The following FLI1 variants were observed in gnomAD, a reference collection of about 807,000 sequenced individuals.
FLI1 encodes Fli-1 proto-oncogene, ETS transcription factor.
In FLI1, 13 loss-of-function variants were observed where a neutral mutation model predicts 53.1. The observed-to-expected ratio is 0.24, with a 90% CI of 0.16 to 0.39. The LOEUF is 0.39. FLI1 is among the 10% of genes least tolerant of loss of function. The pLI is 1.00. For missense variants in FLI1, 424 were observed against 600.5 expected, an observed-to-expected ratio of 0.71 and a Z score of 3.07; for synonymous variants, 244 against 236.7, an observed-to-expected ratio of 1.03 and a Z score of -0.28.
intron 1 of FLI1, among the ~76,000 whole-genome samples, chr11:128,736,994 C>T (rs1008612665): frequency 2.0e-5 from 3 of 152,164 alleles, no homozygotes; most frequent in Admixed American, 2.0e-4. Flanking sequence ...AGCCTCCGAC[C>T]ACAAACCCAA....
upstream of FLI1, among the ~76,000 whole-genome samples, chr11:128,685,708 CAAAAAAAA>C (rs5795633): frequency 2.2e-3 from 126 of 57,616 alleles, no homozygotes; most frequent in South Asian, 3.8e-3. Flanking sequence ...CTTGAGGAGC[CAAAAAAAA>C]AAAAAAAAAA....
At chr11:128,764,707 C>A (rs1334111900) in intron 2 of FLI1, 2 of 1,551,546 alleles carry the variant, frequency 1.3e-6, no homozygotes, top group Non-Finnish European at 1.7e-6. Context: ...CTGTACCCAC[C>A]CTGAGCGGCA....
At chr11:128,795,028 A>T (rs537211933) in intron 5 of FLI1, among the ~76,000 whole-genome samples, 1 of 152,328 alleles carries the variant, frequency 6.6e-6, no homozygotes, top group African/African-American at 2.4e-5. Flanking sequence ...GTGAGCCAAC[A>T]TTGCGCCACT....
At chr11:128,693,957 A>AGAGG (rs1469997949), upstream of FLI1, 1 of 180,500 alleles carries the variant, frequency 5.5e-6, no homozygotes, top group African/African-American at 3.1e-5. Context: ...AGAGAGAGAG[A>AGAGG]GAGAGAGAGA....
rs542449065 is a variant in FLI1, at chr11:128,772,201, G to T, written c.386-581G>T. On this transcript the variant is annotated intron_variant, in intron 3 of 8. Transcript: ENST00000527786. ...TCCCCAACGTCATCTCTCATCTTTG[G>T]GTATTTAAATATCTAAAATATGTTT... is the stretch of plus-strand genomic sequence containing the variant. Among the ~76,000 whole-genome samples, 7 of 152,138 alleles carry T rather than the reference G, an allele frequency of 4.6e-5. No individual in the cohort carries two copies. The East Asian group carries it at 1.2e-3, about 25-fold the overall frequency.
At chr11:128,755,120 G>T (rs1372927342) in intron 1 of FLI1, among the ~76,000 whole-genome samples, 1 of 152,004 alleles carries the variant, frequency 6.6e-6, no homozygotes, top group Non-Finnish European at 1.5e-5. Flanking sequence ...TGTCCCCTTG[G>T]CCAGGACAAT....
intron 1 of FLI1, among the ~76,000 whole-genome samples, chr11:128,741,326 G>C (rs189191443): frequency 6.6e-6 from 1 of 152,212 alleles, no homozygotes; most frequent in African/African-American, 2.4e-5. Context: ...CCGGGAGGCA[G>C]AGGTTCCATT....
chr11:128,712,692 G>T (rs1476027837), intron 1 of FLI1, among the ~76,000 whole-genome samples: 2 of 152,244 alleles, frequency 1.3e-5, no homozygotes, highest in East Asian at 3.9e-4. Flanking sequence ...CATGAGAACA[G>T]CACAGGAAAG....
At chr11:128,769,255 C>G (rs771467010) in intron 3 of FLI1, among the ~76,000 whole-genome samples, 1 of 152,136 alleles carries the variant, frequency 6.6e-6, no homozygotes, top group African/African-American at 2.4e-5. Flanking sequence ...CAAACTGCCA[C>G]GTGTAGAACT....
At chr11:128,792,571 G>A (rs1027779804) in intron 5 of FLI1, among the ~76,000 whole-genome samples, 16 of 152,176 alleles carry the variant, frequency 1.1e-4, no homozygotes, top group African/African-American at 3.9e-4. Flanking sequence ...AGAGGGAGAG[G>A]AAGCTTCTTC....
At chr11:128,717,107 G>T (rs1460221934) in intron 1 of FLI1, among the ~76,000 whole-genome samples, 1 of 152,036 alleles carries the variant, frequency 6.6e-6, no homozygotes, top group African/African-American at 2.4e-5. Flanking sequence ...CGGGGCACAC[G>T]CTGCTCTGGG....
intron 1 of FLI1, among the ~76,000 whole-genome samples, chr11:128,715,211 AG>A (rs1938959078): frequency 6.6e-6 from 1 of 152,222 alleles, no homozygotes; most frequent in Non-Finnish European, 1.5e-5. Flanking sequence ...ATAAGAGCTC[AG>A]GGTTGCTAAG....
intron 1 of FLI1, among the ~76,000 whole-genome samples, chr11:128,753,058 T>C (rs545563660): frequency 6.6e-6 from 1 of 152,348 alleles, no homozygotes; most frequent in South Asian, 2.1e-4. Context: ...AGGGGCATCA[T>C]TGGGTACAAA....
intron 5 of FLI1, among the ~76,000 whole-genome samples, chr11:128,801,272 C>T (rs1942629407): frequency 6.6e-6 from 1 of 152,196 alleles, no homozygotes; most frequent in Non-Finnish European, 1.5e-5. Flanking sequence ...AGGTGTTGGG[C>T]TCTGCAAGGG....
At chr11:128,770,874 G>C (rs1016711078) in intron 3 of FLI1, among the ~76,000 whole-genome samples, 4 of 152,236 alleles carry the variant, frequency 2.6e-5, no homozygotes, top group African/African-American at 9.6e-5. Flanking sequence ...ATCTGAGAGA[G>C]AGAGAGGAAG....
At chr11:128,782,062 T>TACCAGACATGACACAGGCCCATAA (rs1176575332) in intron 5 of FLI1, 39 bp downstream of exon 5, 5 of 1,514,510 alleles carry the variant, frequency 3.3e-6, no homozygotes, top group Non-Finnish European at 4.6e-6. Flanking sequence ...TTTTCTTCTG[T>TACCAGACATGACACAGGCCCATAA]ACCAGACATG....
rs1421586900 is a variant in FLI1, at chr11:128,772,922, C to A, written c.526C>A (p.Leu176Ile). 1.9e-6 allele frequency: 3 copies of A among 1,613,934 alleles called. No individual in the cohort carries two copies. Among genetic ancestry groups the A allele is most frequent in the Non-Finnish European group, 2.5e-6 (3 of 1,179,906 alleles). ...ELCKMNKEDF[L>I]RATTLYNTEV... The stretch of plus-strand genomic sequence containing the variant: ...GTGTAAAATGAACAAGGAGGACTTC[C>A]TCCGCGCCACCACCCTCTACAACAC... The change falls in exon 4 of 9, where the codon CTC (leucine) becomes ATC (isoleucine). Residue 176 changes from leucine to isoleucine, a missense_variant. Transcript: ENST00000527786.
intron 1 of FLI1, among the ~76,000 whole-genome samples, chr11:128,753,743 G>A (rs998665486): frequency 2.0e-5 from 3 of 152,284 alleles, no homozygotes; most frequent in Non-Finnish European, 2.9e-5. Context: ...GCAGCTCCTC[G>A]CCTGCAGACA....
chr11:128,747,147 C>T (rs1201122202), intron 1 of FLI1, among the ~76,000 whole-genome samples: 1 of 152,228 alleles, frequency 6.6e-6, no homozygotes, highest in Non-Finnish European at 1.5e-5. Flanking sequence ...AAGGCGCGGG[C>T]TGCAAGACAG....
Sources: allele counts gnomAD v4.1 joint callset (sites outside exome capture counted in the v4.1 genomes callset), GRCh38; gene constraint gnomAD v4.1.1; transcripts MANE v1.5; gene names NCBI Gene and HGNC (gene_info 2026-07-23, HGNC 2026-07-21).